Variants in MTMR4 observed in about 807,000 individuals in gnomAD.
The protein encoded by MTMR4 is phosphatidylinositol-3,5-bisphosphate 3-phosphatase MTMR4.
In MTMR4, 30 loss-of-function variants were observed where a neutral mutation model predicts 125.5. The observed-to-expected ratio is 0.24, with a 90% confidence interval of 0.18 to 0.32. The LOEUF (loss-of-function observed/expected upper bound fraction) is 0.32, where lower values mean the gene tolerates loss of function less well. Ranked by LOEUF, MTMR4 falls within the 10% of genes least tolerant of loss-of-function variation. The probability of loss-of-function intolerance (pLI) is 1.00; values close to 1 mark genes in which losing one functional copy is unlikely to be tolerated. For synonymous variants in MTMR4, 498 were observed against 564.5 expected, an observed-to-expected ratio of 0.88 and a Z score of 1.67; for missense variants, 1,039 against 1,511.5, an observed-to-expected ratio of 0.69 and a Z score of 5.18.
Position 58,505,453 on chromosome 17 carries a change from C to T in MTMR4, c.1145+19G>A. ...GGTAAGGAATGAGACTGGAAGGAAT[C>T]CAAGTAGGGAACACCTACTTGCTAG... On this transcript the variant is annotated intron_variant, in intron 10 of 17. Coordinates refer to ENST00000682306, the MANE Select transcript of MTMR4 (RefSeq NM_001378067.1). 1 of 1,560,612 alleles carries T rather than the reference C, an allele frequency of 6.4e-7. No individual in the cohort carries two copies. Among genetic ancestry groups the T allele is most frequent in the Non-Finnish European group, 8.8e-7 (1 of 1,133,028 alleles).
At chr17:58,498,834 T>C (rs925046139) in intron 14 of MTMR4, among the ~76,000 whole-genome samples, 2 of 152,188 alleles carry the variant, frequency 1.3e-5, no homozygotes, top group African/African-American at 4.8e-5. Flanking sequence ...GTGGTACTAA[T>C]ATTCTCCTAC....
chr17:58,507,940 C>T, intron 7 of MTMR4: 1 of 469,884 alleles, frequency 2.1e-6, no homozygotes, highest in Non-Finnish European at 3.9e-6. Flanking sequence ...CACACACACA[C>T]ACACACACAC....
chr17:58,491,770 C>T lies in MTMR4; in HGVS notation c.3523G>A (p.Asp1175Asn). The change falls in exon 18 of 18, where the codon GAC (aspartate) becomes AAC (asparagine). Residue 1175 changes from aspartate to asparagine, a missense_variant. Physicochemically the swap from Asp to Asn is conservative, Grantham distance 23. Around this residue, in one of 6 missense-constraint regions of MTMR4, gnomAD observed 60 missense variants for 129.6 expected, o/e 0.46. Coordinates refer to ENST00000682306, the MANE Select transcript of MTMR4 (RefSeq NM_001378067.1). ...CATGAGTTACAGACGAGAACTGGGT[C>T]ATAGAGTTGCTGATCAGGAATGGGC... Reference protein sequence around the residue: ...KLPIPDQQLYDPVLVCNSCYE... With the variant: ...KLPIPDQQLYNPVLVCNSCYE... 6.2e-7 allele frequency: 1 copy of T among 1,614,076 alleles called. No individual in the cohort carries two copies. Among genetic ancestry groups the T allele is most frequent in the Non-Finnish European group, 8.5e-7 (1 of 1,179,986 alleles).
At chr17:58,493,262 C>T (rs1464662313) in intron 15 of MTMR4, among the ~76,000 whole-genome samples, 2 of 152,258 alleles carry the variant, frequency 1.3e-5, no homozygotes, top group African/African-American at 4.8e-5. Context: ...AAGCTATGGC[C>T]CACAGGCCAA....
At chr17:58,507,964 A>T in intron 7 of MTMR4, 197 bp downstream of exon 7, 1 of 520,964 alleles carries the variant, frequency 1.9e-6, no homozygotes, top group Non-Finnish European at 3.5e-6. Flanking sequence ...CTCTAAAAAA[A>T]GGGGGGGAAT....
At chr17:58,509,984 T>A (rs751429226) in intron 4 of MTMR4, among the ~76,000 whole-genome samples, 3 of 152,194 alleles carry the variant, frequency 2.0e-5, no homozygotes, top group Non-Finnish European at 4.4e-5. Flanking sequence ...AGAATCTGAA[T>A]GCTTCTCACC....
upstream of MTMR4, chr17:58,514,987 C>T (rs1976049011): frequency 4.1e-6 from 4 of 984,662 alleles, no homozygotes; most frequent in African/African-American, 7.0e-5. Flanking sequence ...AAAACCACTA[C>T]CCACCATGCC....
At position 58,508,662 on chromosome 17, in the gene MTMR4, G is replaced by A; in HGVS notation, c.496+19C>T. On this transcript the variant is annotated intron_variant, in intron 5 of 17. Coordinates refer to ENST00000682306, the MANE Select transcript of MTMR4 (RefSeq NM_001378067.1). The surrounding 1 kb of genome is among the most constrained non-coding windows in gnomAD (Gnocchi z 4.8). The stretch of plus-strand genomic sequence containing the variant: ...AAGGGGTAAGAAGCAGCCTCCCAAA[G>A]AAAATAGACTGGCCTCACCTGGCTG... 1 of 1,613,708 alleles carries A rather than the reference G, an allele frequency of 6.2e-7. No individual in the cohort carries two copies. The highest frequency in any genetic ancestry group is 1.6e-4 in the Middle Eastern group (1 of 6,062).
Position 58,508,232 on chromosome 17 carries a change from C to T in MTMR4, c.636G>A (p.Trp212Ter), listed in dbSNP as rs1352031077. 6.2e-7 allele frequency: 1 copy of T among 1,614,056 alleles called. No homozygotes were observed. ...CGTTCTCCAGCTCTTTGTCAGTGAT[C>T]CACACAGGAACCAGCAGCTTCTGGG... ...SYPQKLLVPV[W>*]ITDKELENVA... Residue 212 changes from tryptophan to a stop codon, truncating the protein, a stop_gained, in exon 7 of 18, where the codon TGG (tryptophan) becomes TGA (stop). Transcript: ENST00000682306. LOFTEE classifies it high-confidence loss of function. This position sits in a 1 kb window ranked among gnomAD's most constrained non-coding sequence, Gnocchi z 4.8.
upstream of MTMR4, among the ~76,000 whole-genome samples, chr17:58,515,266 A>AT (rs1976057384): frequency 6.6e-6 from 1 of 152,188 alleles, no homozygotes; most frequent in African/African-American, 2.4e-5. Context: ...ATACAAAAAA[A>AT]CGAAACTTGA....
chr17:58,504,514 A>T lies in MTMR4; in HGVS notation c.1342-26T>A, dbSNP rs775386911. 6 of 1,603,846 alleles carry T rather than the reference A, an allele frequency of 3.7e-6. No individual in the cohort carries two copies. Among genetic ancestry groups the T allele is most frequent in the Middle Eastern group, 2.0e-4 (1 of 5,040 alleles). On this transcript the variant is annotated intron_variant, in intron 11 of 17. Coordinates refer to ENST00000682306, the MANE Select transcript of MTMR4 (RefSeq NM_001378067.1). The surrounding 1 kb of genome is among the most constrained non-coding windows in gnomAD (Gnocchi z 7.1). ...CTGCAAAAAAAGAAACTGTTCAAAC[A>T]TAGGGCCTCTCTGGAAATGCTGATG...
rs773592076 is a variant in MTMR4 at position 58,495,034 on chromosome 17, C to T, written c.3150G>A (p.Val1050=). 67 of 1,614,094 alleles carry T rather than the reference C, an allele frequency of 4.2e-5. No individual in the cohort carries two copies. The highest frequency in any genetic ancestry group is 5.4e-5 in the Non-Finnish European group (64 of 1,180,052). The change falls in exon 15 of 18, where the codon GTG becomes GTA. Residue 1050 remains valine, a synonymous_variant. Coordinates refer to ENST00000682306, the MANE Select transcript of MTMR4 (RefSeq NM_001378067.1). ...RQIEAGYKQE[V]EQLRRQVREL... ...CACGCACCTGTCGACGTAGCTGCTCCACCTCTTGTTTGTACCCTGCTTCGA... is the reference window on the plus strand; with the variant it reads ...CACGCACCTGTCGACGTAGCTGCTCTACCTCTTGTTTGTACCCTGCTTCGA...
intron 14 of MTMR4, 55 bp downstream of exon 14, chr17:58,503,689 A>G (rs1975701128): frequency 6.5e-7 from 1 of 1,540,644 alleles, no homozygotes; most frequent in East Asian, 2.3e-5. Flanking sequence ...TGAGATGGGA[A>G]ACAGTTACTG....
Position 58,504,652 on chromosome 17 carries a change from GAA to G in MTMR4, c.1341+125_1341+126del. ...CAATTTTCCAAGCCTTTGGGAGTTG[GAA>G]AAAAAAAGAAAAAAAGAGCCACCAA... On this transcript the variant is annotated intron_variant, in intron 11 of 17. Transcript: ENST00000682306. This position sits in a 1 kb window ranked among gnomAD's most constrained non-coding sequence, Gnocchi z 7.1. 1.5e-6 allele frequency: 2 copies of G among 1,322,466 alleles called. No homozygotes were observed. The highest frequency in any genetic ancestry group is 1.0e-6 in the Non-Finnish European group (1 of 968,426). 81.9% of individuals were successfully genotyped at this position (1,322,466 alleles called of 1,614,324 possible).
In MTMR4 at chr17:58,507,031, T is replaced by C. The variant is rs1975795106; in HGVS notation, c.904+92A>G. 1.9e-6 allele frequency: 3 copies of C among 1,574,782 alleles called. No homozygotes were observed. The Admixed American group carries it at 5.2e-5, about 27-fold the overall frequency. On this transcript the variant is annotated intron_variant, in intron 8 of 17. Coordinates refer to ENST00000682306, the MANE Select transcript of MTMR4 (RefSeq NM_001378067.1). ...GACCCCAGCACCCCGTGTGTTGTCA[T>C]CTTCCCAGACTCTCACTGGGGACTC...
chr17:58,497,621 G>A (rs1170429688), intron 14 of MTMR4, among the ~76,000 whole-genome samples: 7 of 152,196 alleles, frequency 4.6e-5, no homozygotes, highest in African/African-American at 1.7e-4. Flanking sequence ...CTACTGAAGT[G>A]TCCTGAAGGC....
rs1976026423 is a variant in MTMR4, at chr17:58,514,392, G to A, written c.16C>T (p.Arg6Cys). Reference protein sequence around the residue: MSLTARVSCSMLSCFG... With the variant: MSLTACVSCSMLSCFG... The stretch of plus-strand genomic sequence containing the variant: ...CAGCTAAGCATGGAGCAGGAGACGC[G>A]GGCGGTCAGGCTCATGGTCGCGGGC... Residue 6 changes from arginine to cysteine, a missense_variant, in exon 1 of 18, where the codon CGC becomes TGC. Coordinates refer to ENST00000682306, the MANE Select transcript of MTMR4 (RefSeq NM_001378067.1). The A allele has an allele frequency of 1.0e-6, 1 of 986,754 alleles. No individual in the cohort carries two copies. Among genetic ancestry groups the A allele is most frequent in the Non-Finnish European group, 1.2e-6 (1 of 830,268 alleles). The allele number at this position is 986,754 out of a possible 1,614,324, so 61.1% of individuals were successfully genotyped here.
In MTMR4 at chr17:58,495,377, G is replaced by T. The variant is rs141724556; in HGVS notation, c.2807C>A (p.Ala936Asp). The change falls in exon 15 of 18, where the codon GCC (alanine) becomes GAC (aspartate). Residue 936 changes from alanine to aspartate, a missense_variant. Physicochemically the swap from Ala to Asp is moderately radical, Grantham distance 126. Coordinates refer to ENST00000682306, the MANE Select transcript of MTMR4 (RefSeq NM_001378067.1). ...GMVTSFPSGE[A>D]TPRRLLSYGC... ...ATAGGAAAGCAGCCGCCGAGGGGTG[G>T]CCTCCCCACTTGGGAATGAAGTCAC... The T allele has an allele frequency of 1.7e-5, 28 of 1,614,216 alleles. No individual in the cohort carries two copies. The African/African-American group carries it at 3.1e-4, about 18-fold the overall frequency.
At chr17:58,492,054 A>G (rs1214139621) in intron 17 of MTMR4, among the ~76,000 whole-genome samples, 6 of 152,384 alleles carry the variant, frequency 3.9e-5, no homozygotes, top group African/African-American at 1.4e-4. Flanking sequence ...CAATATACTG[A>G]GAATGAGTGA....
Sources: allele counts gnomAD v4.1 joint callset (sites outside exome capture counted in the v4.1 genomes callset), GRCh38; gene constraint gnomAD v4.1.1; regional missense constraint gnomAD v4.1.1; non-coding constraint Gnocchi (gnomAD v3.1); transcripts MANE v1.5; gene names NCBI Gene and HGNC (gene_info 2026-07-23, HGNC 2026-07-21).